The following CYP2J2 variants were observed in gnomAD, a reference collection of about 807,000 sequenced individuals.
CYP2J2 encodes cytochrome P450 family 2 subfamily J member 2, also known as cytochrome P450 2J2.
A neutral mutation model predicts 48.8 loss-of-function variants in CYP2J2; 41 were observed. The observed-to-expected ratio is 0.84, with a 90% CI of 0.66 to 1.09. CYP2J2 has a LOEUF of 1.09. Among genes scored for constraint, CYP2J2 ranks in the 50% least tolerant of loss-of-function variants. CYP2J2 has a pLI of 0.00. For missense variants in CYP2J2, 644 were observed against 617.3 expected (o/e 1.04, Z -0.46); for synonymous variants, 221 against 227.1 (o/e 0.97, Z 0.24).
intron 5 of CYP2J2, among the ~76,000 whole-genome samples, chr1:59,908,559 T>C (rs536235395): frequency 6.6e-6 from 1 of 152,230 alleles, no homozygotes; most frequent in South Asian, 2.1e-4. Context: ...TTCTGGAAAC[T>C]TCAATTTGTC....
chr1:59,946,629 A>G, the CYP2J2 span, among the ~76,000 whole-genome samples: 1 of 152,188 alleles, frequency 6.6e-6, no homozygotes, highest in African/African-American at 2.4e-5. Flanking sequence ...CAAGAGACAC[A>G]AAATGTAAGG....
rs1432076798 is a variant in CYP2J2 at position 59,916,088 on chromosome 1, A to G, written c.223T>C (p.Tyr75His). Residue 75 changes from tyrosine (Y) to histidine (H), a missense_variant, in exon 2 of 9, where the codon TAT becomes CAT. By Grantham distance (83) the Tyr-to-His change is moderately conservative. Coordinates refer to ENST00000371204, the MANE Select transcript of CYP2J2 (RefSeq NM_000775.4). ...HLEVQLFVKK[Y>H]GNLFSLELGD... ...AGCTCCAAGCTAAAAAGGTTCCCAT[A>G]TTTCTTCACAAACTGAAAAATAGTT... 6.2e-7 allele frequency: 1 copy of G among 1,608,044 alleles called. No homozygotes were observed.
the CYP2J2 span, among the ~76,000 whole-genome samples, chr1:59,931,799 A>G: frequency 6.6e-6 from 1 of 152,176 alleles, no homozygotes; most frequent in Admixed American, 6.5e-5. Flanking sequence ...AAAAATTTAA[A>G]GGAAATTTGA....
chr1:59,926,719 C>G lies in CYP2J2; in HGVS notation c.28G>C (p.Ala10Pro), dbSNP rs756452345. ...GGATGGACCACTGCCCAGAGGGCAG[C>G]CGCCAGAGAGCCCATCGCCGCGAGC... MLAAMGSLA[A>P]ALWAVVHPRT... is the part of the protein sequence containing the mutation. The change falls in exon 1 of 9, where the codon GCT becomes CCT. Residue 10 changes from alanine to proline, a missense_variant. By Grantham distance (27) the Ala-to-Pro change is conservative. Coordinates refer to ENST00000371204, the MANE Select transcript of CYP2J2 (RefSeq NM_000775.4). The G allele has an allele frequency of 6.2e-7, 1 of 1,613,716 alleles. No homozygotes were observed. The highest frequency in any genetic ancestry group is 1.7e-5 in the Admixed American group (1 of 59,996).
At chr1:59,943,252 T>C in the CYP2J2 span, among the ~76,000 whole-genome samples, 7 of 152,090 alleles carry the variant, frequency 4.6e-5, no homozygotes, top group South Asian at 2.1e-4. Flanking sequence ...GAAAGACTCT[T>C]AGATCTGCCA....
At chr1:59,936,899 A>C in the CYP2J2 span, among the ~76,000 whole-genome samples, 4 of 152,360 alleles carry the variant, frequency 2.6e-5, no homozygotes, top group African/African-American at 7.2e-5. Flanking sequence ...ACATATCATA[A>C]ATACAAATTG....
chr1:59,968,366 C>T, the CYP2J2 span, among the ~76,000 whole-genome samples: 1 of 152,096 alleles, frequency 6.6e-6, no homozygotes, highest in Non-Finnish European at 1.5e-5. Context: ...TGTCTTGCCT[C>T]CCCAACAGCC....
the CYP2J2 span, among the ~76,000 whole-genome samples, chr1:59,944,279 A>G: frequency 6.6e-6 from 1 of 152,182 alleles, no homozygotes. Context: ...CTGGAATACA[A>G]TGGTGTGATC....
chr1:59,963,924 T>C, the CYP2J2 span, among the ~76,000 whole-genome samples: 1 of 152,222 alleles, frequency 6.6e-6, no homozygotes. Flanking sequence ...TAAAAACATA[T>C]TTTATAAATT....
At chr1:59,965,591 G>T in the CYP2J2 span, among the ~76,000 whole-genome samples, 5 of 152,308 alleles carry the variant, frequency 3.3e-5, no homozygotes, top group South Asian at 8.3e-4. Flanking sequence ...AACGCTCAGT[G>T]GATTGACAGC....
chr1:59,941,154 T>C, the CYP2J2 span, among the ~76,000 whole-genome samples: 2 of 152,248 alleles, frequency 1.3e-5, no homozygotes, highest in African/African-American at 4.8e-5. Flanking sequence ...TTCCTGATTT[T>C]TGAGCACTTC....
intron 7 of CYP2J2, among the ~76,000 whole-genome samples, chr1:59,901,892 C>T (rs1278023046): frequency 1.3e-5 from 2 of 152,138 alleles, no homozygotes; most frequent in Middle Eastern, 3.2e-3. Flanking sequence ...ATGATTTAGT[C>T]ATGTCATTCC....
chr1:59,893,851 CG>C (rs1559070400), intron 8 of CYP2J2, 22 bp from the exon 9 acceptor site: 1 of 1,581,988 alleles, frequency 6.3e-7, no homozygotes, highest in African/African-American at 1.4e-5. Flanking sequence ...AATCAAAAGA[CG>C]GGTTATCTTC....
the CYP2J2 span, among the ~76,000 whole-genome samples, chr1:59,936,603 A>G: frequency 1.3e-5 from 2 of 152,162 alleles, no homozygotes; most frequent in Admixed American, 6.5e-5. Context: ...TTCATCTTCA[A>G]TTTAGGTCCT....
chr1:59,951,898 G>A, the CYP2J2 span, among the ~76,000 whole-genome samples: 1 of 152,058 alleles, frequency 6.6e-6, no homozygotes, highest in African/African-American at 2.4e-5. Context: ...TCTGAGCAGC[G>A]CTTTTAATCA....
chr1:59,919,650 T>C (rs1185206863), intron 1 of CYP2J2, among the ~76,000 whole-genome samples: 1 of 152,242 alleles, frequency 6.6e-6, no homozygotes, highest in Non-Finnish European at 1.5e-5. Flanking sequence ...TTTTGAGTTA[T>C]AGAATCCTTT....
intron 1 of CYP2J2, among the ~76,000 whole-genome samples, chr1:59,916,493 G>T (rs1190338610): frequency 2.0e-5 from 3 of 152,160 alleles, no homozygotes; most frequent in Non-Finnish European, 1.5e-5. Flanking sequence ...CAACACGTTG[G>T]GGGGCCGAGG....
intron 3 of CYP2J2, 138 bp downstream of exon 3, chr1:59,912,024 G>T: frequency 9.8e-7 from 1 of 1,024,054 alleles, no homozygotes; most frequent in Non-Finnish European, 1.4e-6. Flanking sequence ...AACTCTTTGA[G>T]GACAGAGTTG....
At chr1:59,935,921 C>T in the CYP2J2 span, among the ~76,000 whole-genome samples, 1 of 152,170 alleles carries the variant, frequency 6.6e-6, no homozygotes, top group African/African-American at 2.4e-5. Context: ...TTACTGGTGC[C>T]TGCCACCATG....
Sources: allele counts gnomAD v4.1 joint callset (sites outside exome capture counted in the v4.1 genomes callset), GRCh38; gene constraint gnomAD v4.1.1; transcripts MANE v1.5; gene names NCBI Gene and HGNC (gene_info 2026-07-23, HGNC 2026-07-21).